Variants in PCDHGC3 observed in about 807,000 individuals in gnomAD.
PCDHGC3 encodes protocadherin gamma-C3.
PCDHGC3 carries 26 observed loss-of-function variants against 59.2 expected under a neutral mutation model. That is an observed-to-expected ratio of 0.44 (90% CI 0.32 to 0.61). The LOEUF (loss-of-function observed/expected upper bound fraction) is 0.61. Among genes scored for constraint, PCDHGC3 ranks in the 20% least tolerant of loss-of-function variants. PCDHGC3 has a pLI of 0.05. For missense variants in PCDHGC3, 1,080 were observed against 1,221.8 expected, an observed-to-expected ratio of 0.88 and a Z score of 1.73; for synonymous variants, 487 against 519.7, an observed-to-expected ratio of 0.94 and a Z score of 0.86.
rs2099695548 is a variant in PCDHGC3, at chr5:141,490,059, C to T, written c.2431-4748C>T. On this transcript the variant is annotated intron_variant, in intron 1 of 3. Coordinates refer to ENST00000308177, the MANE Select transcript of PCDHGC3 (RefSeq NM_002588.4). The surrounding 1 kb of genome is among the most constrained non-coding windows in gnomAD (Gnocchi z 5.4). ...ATGCCACTGATCCAGACGAGGGCAC[C>T]AACGGCCAACTAGACTATTCTTTTG... 1.2e-6 allele frequency: 2 copies of T among 1,614,242 alleles called. No individual in the cohort carries two copies. The highest frequency in any genetic ancestry group is 1.7e-6 in the Non-Finnish European group (2 of 1,180,030).
At chr5:141,495,480 C>A (rs2099761689) in intron 2 of PCDHGC3, among the ~76,000 whole-genome samples, 1 of 152,208 alleles carries the variant, frequency 6.6e-6, no homozygotes, top group African/African-American at 2.4e-5. Flanking sequence ...CGTGTCTCTG[C>A]CCCTTTTTCT....
rs959855220 is a variant in PCDHGC3, at chr5:141,476,280, G to A, written c.164G>A (p.Gly55Asp). 4 of 1,614,010 alleles carry A rather than the reference G, an allele frequency of 2.5e-6. No individual in the cohort carries two copies. In the African/African-American group the frequency reaches 5.3e-5, roughly 22 times the overall value. The change falls in exon 1 of 4, where the codon GGT becomes GAT. Residue 55 changes from glycine (G) to aspartate (D), a missense_variant. Transcript: ENST00000308177. This position sits in a 1 kb window ranked among gnomAD's most constrained non-coding sequence, Gnocchi z 7.6. ...GTGGGCAACGTGGTCGCGAACCTTG[G>A]TTTGGATCTCGGTAGCCTCTCAGCC... The part of the protein sequence containing the change: ...FAVGNVVANL[G>D]LDLGSLSARR...
intron 2 of PCDHGC3, among the ~76,000 whole-genome samples, chr5:141,498,404 C>T (rs1283586713): frequency 6.6e-6 from 1 of 152,104 alleles, no homozygotes; most frequent in African/African-American, 2.4e-5. Context: ...AGGGAGTTTT[C>T]TCTTTGCTGG....
intron 2 of PCDHGC3, among the ~76,000 whole-genome samples, chr5:141,500,695 T>G (rs1214079801): frequency 1.3e-5 from 2 of 152,214 alleles, no homozygotes; most frequent in Admixed American, 6.5e-5. Flanking sequence ...TTTTTCTTCT[T>G]TGCAGTGTAT....
At position 141,477,004 on chromosome 5, in the gene PCDHGC3, C is replaced by T. The variant is rs1390668803; in HGVS notation, c.888C>T (p.Ala296=). The change falls in exon 1 of 4, where the codon GCC becomes GCT. Residue 296 remains alanine, a synonymous_variant. Coordinates refer to ENST00000308177, the MANE Select transcript of PCDHGC3 (RefSeq NM_002588.4). The surrounding 1 kb of genome is among the most constrained non-coding windows in gnomAD (Gnocchi z 4.9). ...HNRAGVRQLF[A]LDLVTGMLTI... ...GCGCCGGCGTGCGGCAACTATTCGC[C>T]TTAGACCTTGTAACCGGGATGCTGA... is the stretch of plus-strand genomic sequence containing the variant. 3 of 1,614,236 alleles carry T rather than the reference C, an allele frequency of 1.9e-6. No homozygotes were observed. The highest frequency in any genetic ancestry group is 2.5e-6 in the Non-Finnish European group (3 of 1,180,042).
intron 3 of PCDHGC3, among the ~76,000 whole-genome samples, chr5:141,509,440 C>T (rs1036780108): frequency 2.0e-5 from 3 of 152,158 alleles, no homozygotes; most frequent in Non-Finnish European, 4.4e-5. Flanking sequence ...CTTGTTTCCT[C>T]CTCTCCCACC....
chr5:141,494,807 C>A lies in PCDHGC3; in HGVS notation c.2431C>A (p.Gln811Lys), dbSNP rs568448786. Residue 811 changes from glutamine to lysine, a missense_variant and splice_region_variant, in exon 2 of 4, where the codon CAA (glutamine) becomes AAA (lysine). Coordinates refer to ENST00000308177, the MANE Select transcript of PCDHGC3 (RefSeq NM_002588.4). ...CCCTTTCCCTCTGTTTTCTCCACAGCAAGCCCCGCCCAACACGGACTGGCG... is the reference window on the plus strand; with the variant it reads ...CCCTTTCCCTCTGTTTTCTCCACAGAAAGCCCCGCCCAACACGGACTGGCG... ...LGAESAPPGQ[Q>K]APPNTDWRFS... The A allele has an allele frequency of 2.5e-5, 40 of 1,614,144 alleles. No individual in the cohort carries two copies. The South Asian group carries it at 4.0e-4, about 16-fold the overall frequency.
rs2099425622 is a variant in PCDHGC3, at chr5:141,477,947, T to C, written c.1831T>C (p.Leu611=). The part of the protein sequence containing the change: ...GHNAWLSYSL[L]GSPNQSLFAI... Reference sequence around the variant, plus strand: ...CAATGCCTGGCTCTCCTACAGTCTCTTGGGATCCCCTAACCAGAGCCTTTT... The same window carrying C: ...CAATGCCTGGCTCTCCTACAGTCTCCTGGGATCCCCTAACCAGAGCCTTTT... Residue 611 remains leucine (L), a synonymous_variant, in exon 1 of 4, where the codon TTG becomes CTG. Coordinates refer to ENST00000308177, the MANE Select transcript of PCDHGC3 (RefSeq NM_002588.4). The surrounding 1 kb of genome is among the most constrained non-coding windows in gnomAD (Gnocchi z 4.9). 1.9e-6 allele frequency: 3 copies of C among 1,614,132 alleles called. No homozygotes were observed. Among genetic ancestry groups the C allele is most frequent in the Non-Finnish European group, 2.5e-6 (3 of 1,180,018 alleles).
Position 141,486,912 on chromosome 5 carries a change from T to C in PCDHGC3, c.2431-7895T>C. The stretch of plus-strand genomic sequence containing the variant: ...CCTGGTTCCTTATGTCCCCAAGCAC[T>C]GCCTCCATCAGTTGGTGCTGGCCAC... On this transcript the variant is annotated intron_variant, in intron 1 of 3. Coordinates refer to ENST00000308177, the MANE Select transcript of PCDHGC3 (RefSeq NM_002588.4). This position sits in a 1 kb window ranked among gnomAD's most constrained non-coding sequence, Gnocchi z 5.0. The C allele has an allele frequency of 1.2e-6, 2 of 1,614,246 alleles. No homozygotes were observed. Among genetic ancestry groups the C allele is most frequent in the Non-Finnish European group, 1.7e-6 (2 of 1,180,040 alleles).
chr5:141,478,327 A>G lies in PCDHGC3; in HGVS notation c.2211A>G (p.Thr737=), dbSNP rs149317962. The G allele has an allele frequency of 9.9e-6, 16 of 1,613,974 alleles. No homozygotes were observed. The African/African-American group carries it at 2.0e-4, about 20-fold the overall frequency. The stretch of plus-strand genomic sequence containing the variant: ...CCCCGGTGAGCTCACTGTACCGAAC[A>G]CCAGGGCCCTCCTTGCACGCGGACG... ...YRAPVSSLYR[T]PGPSLHADAV... The change falls in exon 1 of 4, where the codon ACA becomes ACG. Residue 737 remains threonine, a synonymous_variant. Transcript: ENST00000308177.
At chr5:141,501,290 T>TACACACACAC (rs55762287) in intron 2 of PCDHGC3, among the ~76,000 whole-genome samples, 12 of 136,162 alleles carry the variant, frequency 8.8e-5, no homozygotes, top group Admixed American at 4.7e-4. Context: ...TATTCCCTTA[T>TACACACACAC]ACACACACAC....
chr5:141,486,722 G>C lies in PCDHGC3; in HGVS notation c.2431-8085G>C, dbSNP rs1235454839. The C allele has an allele frequency of 6.2e-7, 1 of 1,614,200 alleles. No homozygotes were observed. Among genetic ancestry groups the C allele is most frequent in the East Asian group, 2.2e-5 (1 of 44,874 alleles). ...CTCTCTGAACCCCCAGACAGGAGCT[G>C]TTCATGCTACTCGATCCTTTGACTA... On this transcript the variant is annotated intron_variant, in intron 1 of 3. Transcript: ENST00000308177. This position sits in a 1 kb window ranked among gnomAD's most constrained non-coding sequence, Gnocchi z 5.0.
intron 1 of PCDHGC3, among the ~76,000 whole-genome samples, chr5:141,483,913 C>G (rs988014158): frequency 6.7e-6 from 1 of 148,188 alleles, no homozygotes; most frequent in African/African-American, 2.5e-5. Context: ...GTTTCCCACT[C>G]AGATTGCAGG....
rs4042104 is a variant in PCDHGC3 at position 141,489,091 on chromosome 5, T to TAAG, written c.2431-5713_2431-5711dup. On this transcript the variant is annotated intron_variant, in intron 1 of 3. Transcript: ENST00000308177. This position sits in a 1 kb window ranked among gnomAD's most constrained non-coding sequence, Gnocchi z 4.5. Reference sequence around the variant, plus strand: ...CTGCCCACCCCCGCCACTCGGTGACTAAGAACTGCTGCAAGCAGGCAAACC... The same window carrying TAAG: ...CTGCCCACCCCCGCCACTCGGTGACTAAGAAGAACTGCTGCAAGCAGGCAAACC... 136,009 of 332,164 alleles carry TAAG rather than the reference T, an allele frequency of 0.41. 28,517 individuals are homozygous for TAAG. The highest frequency in any genetic ancestry group is 0.54 in the Admixed American group (11,651 of 21,676). The allele number at this position is 332,164 out of a possible 1,614,324, so 20.6% of individuals were successfully genotyped here.
chr5:141,486,409 C>G lies in PCDHGC3; in HGVS notation c.2430+7863C>G, dbSNP rs1396288134. On this transcript the variant is annotated intron_variant, in intron 1 of 3. Coordinates refer to ENST00000308177, the MANE Select transcript of PCDHGC3 (RefSeq NM_002588.4). The surrounding 1 kb of genome is among the most constrained non-coding windows in gnomAD (Gnocchi z 5.0). Reference sequence around the variant, plus strand: ...AGTTCTCCCTGGTGACTGCTGGACCCTTGGATCGAGAGGCCAAATCTAGCT... The same window carrying G: ...AGTTCTCCCTGGTGACTGCTGGACCGTTGGATCGAGAGGCCAAATCTAGCT... 6.2e-7 allele frequency: 1 copy of G among 1,614,170 alleles called. No individual in the cohort carries two copies. Among genetic ancestry groups the G allele is most frequent in the East Asian group, 2.2e-5 (1 of 44,874 alleles).
Position 141,511,843 on chromosome 5 carries a change from GT to G in PCDHGC3, c.*674del, listed in dbSNP as rs1413398495. On this transcript the variant is annotated 3_prime_UTR_variant, in exon 4 of 4. Coordinates refer to ENST00000308177, the MANE Select transcript of PCDHGC3 (RefSeq NM_002588.4). ...CCAACGCCCTGGGGACCAGTCTTCT[GT>G]TTTGTTTTTCATTGTTTGACGTTTC... 1 of 156,550 alleles carries G rather than the reference GT, an allele frequency of 6.4e-6. No individual in the cohort carries two copies. The highest frequency in any genetic ancestry group is 2.4e-5 in the African/African-American group (1 of 41,452). The allele number at this position is 156,550 out of a possible 1,614,324, so 9.7% of individuals were successfully genotyped here. A position where few individuals can be genotyped will look rare whatever the true frequency, so the allele number is the denominator to read the frequency against.
rs532490777 is a variant in PCDHGC3, at chr5:141,487,782, T to C, written c.2431-7025T>C. 7.2e-6 allele frequency: 11 copies of C among 1,525,744 alleles called. No homozygotes were observed. The South Asian group carries it at 1.2e-4, about 17-fold the overall frequency. The allele number at this position is 1,525,744 out of a possible 1,614,324, so 94.5% of individuals were successfully genotyped here. ...GACGCTGTGCTTTGTAACTGTTTCGTGAATTAACCAGAGTTGTCACAGTTT... is the reference window on the plus strand; with the variant it reads ...GACGCTGTGCTTTGTAACTGTTTCGCGAATTAACCAGAGTTGTCACAGTTT... On this transcript the variant is annotated intron_variant, in intron 1 of 3. Coordinates refer to ENST00000308177, the MANE Select transcript of PCDHGC3 (RefSeq NM_002588.4). This position sits in a 1 kb window ranked among gnomAD's most constrained non-coding sequence, Gnocchi z 5.0.
rs1360124362 is a variant in PCDHGC3 at position 141,489,688 on chromosome 5, G to A, written c.2431-5119G>A. On this transcript the variant is annotated intron_variant, in intron 1 of 3. Coordinates refer to ENST00000308177, the MANE Select transcript of PCDHGC3 (RefSeq NM_002588.4). This position sits in a 1 kb window ranked among gnomAD's most constrained non-coding sequence, Gnocchi z 4.5. The stretch of plus-strand genomic sequence containing the variant: ...CATCTCAGAATCAGCAGCATCTGGG[G>A]CACGATTCCCACTGGACAGTGCCCA... 6.2e-7 allele frequency: 1 copy of A among 1,614,150 alleles called. No homozygotes were observed. Among genetic ancestry groups the A allele is most frequent in the Non-Finnish European group, 8.5e-7 (1 of 1,180,012 alleles).
chr5:141,489,124 A>C lies in PCDHGC3; in HGVS notation c.2431-5683A>C. The C allele has an allele frequency of 3.6e-6, 2 of 556,652 alleles. No individual in the cohort carries two copies. Among genetic ancestry groups the C allele is most frequent in the South Asian group, 3.3e-5 (1 of 30,014 alleles). The allele number at this position is 556,652 out of a possible 1,614,324, so 34.5% of individuals were successfully genotyped here. On this transcript the variant is annotated intron_variant, in intron 1 of 3. Transcript: ENST00000308177. The surrounding 1 kb of genome is among the most constrained non-coding windows in gnomAD (Gnocchi z 4.5). ...GCTGCAAGCAGGCAAACCTCCGAGC[A>C]GTTTTTAAGAGGCTGGAAGGAGACA...
Sources: allele counts gnomAD v4.1 joint callset (sites outside exome capture counted in the v4.1 genomes callset), GRCh38; gene constraint gnomAD v4.1.1; non-coding constraint Gnocchi (gnomAD v3.1); transcripts MANE v1.5; gene names NCBI Gene and HGNC (gene_info 2026-07-23, HGNC 2026-07-21).